Variants in WDR62 observed in about 807,000 individuals in gnomAD.
WDR62 encodes the protein WD repeat-containing protein 62.
In WDR62, 112 loss-of-function variants were observed where a neutral mutation model predicts 160.6. The ratio of observed to expected loss-of-function variants is 0.70; its 90% CI spans 0.60 to 0.82. The LOEUF (loss-of-function observed/expected upper bound fraction) is 0.82. WDR62 is among the 40% of genes least tolerant of loss of function. The pLI is 0.00. For missense variants in WDR62, 1,819 were observed against 1,983.8 expected, an observed-to-expected ratio of 0.92 and a Z score of 1.58; for synonymous variants, 792 against 815.1, an observed-to-expected ratio of 0.97 and a Z score of 0.48.
chr19:36,061,228 TTC>T, intron 3 of WDR62: 1 of 152,112 alleles, frequency 6.6e-6, no homozygotes, highest in Admixed American at 6.6e-5. Flanking sequence ...TAACTGTGGG[TTC>T]TGTTACTGGT....
intron 11 of WDR62, 60 bp downstream of exon 11, chr19:36,083,301 G>A: frequency 6.6e-7 from 1 of 1,526,370 alleles, no homozygotes; most frequent in Non-Finnish European, 8.9e-7. Context: ...GGTTCTCAGG[G>A]CAGTGGGCAG....
intron 31 of WDR62, 21 bp downstream of exon 31, chr19:36,104,696 G>A (rs1973633110): frequency 6.2e-7 from 1 of 1,613,884 alleles, no homozygotes; most frequent in Admixed American, 1.7e-5. Flanking sequence ...CCCCAGAGTT[G>A]GGAAAGGGTT....
Position 36,071,663 on chromosome 19 carries a change from C to A in WDR62, c.990C>A (p.Asn330Lys). The change falls in exon 8 of 32, where the codon AAC becomes AAA. Residue 330 changes from asparagine (N) to lysine (K), a missense_variant. Asn to Lys is a moderately conservative substitution (Grantham distance 94). Around this residue, in one of 3 missense-constraint regions of WDR62, gnomAD observed 934 missense variants for 1,157.2 expected, o/e 0.81. Coordinates refer to ENST00000401500, the MANE Select transcript of WDR62 (RefSeq NM_001083961.2). ...FQAHSLHYLA[N>K]LPKPHYLGVD... ...CCCATAGCCTGCACTACCTCGCCAA[C>A]CTGCCCAAGCCACACTACCTTGGGG... 6.2e-7 allele frequency: 1 copy of A among 1,614,216 alleles called. No homozygotes were observed. Among genetic ancestry groups the A allele is most frequent in the African/African-American group, 1.3e-5 (1 of 75,068 alleles).
intron 26 of WDR62, 64 bp from the exon 27 acceptor site, chr19:36,102,673 T>A: frequency 6.7e-7 from 1 of 1,484,666 alleles, no homozygotes; most frequent in Non-Finnish European, 9.4e-7. Flanking sequence ...GGCTGTGGGC[T>A]GGCCTAGGGC....
At chr19:36,079,599 C>G (rs957456996) in intron 9 of WDR62, among the ~76,000 whole-genome samples, 4 of 152,216 alleles carry the variant, frequency 2.6e-5, no homozygotes, top group African/African-American at 9.7e-5. Flanking sequence ...AGGCCTTACC[C>G]CTTGCACTCA....
At chr19:36,086,119 G>A (rs954234629) in intron 12 of WDR62, among the ~76,000 whole-genome samples, 3 of 152,054 alleles carry the variant, frequency 2.0e-5, no homozygotes, top group African/African-American at 7.2e-5. Context: ...CCCCCATGCT[G>A]TGTGCCCCAC....
In WDR62 at chr19:36,089,640, G is replaced by A. The variant is rs552948106; in HGVS notation, c.1958+334G>A. Among the ~76,000 whole-genome samples, 20 of 152,202 alleles carry A rather than the reference G, an allele frequency of 1.3e-4. No homozygotes were observed. The South Asian group carries it at 3.5e-3, about 27-fold the overall frequency. On this transcript the variant is annotated intron_variant, in intron 15 of 31. Coordinates refer to ENST00000401500, the MANE Select transcript of WDR62 (RefSeq NM_001083961.2). ...GTATTTTTAGTAGAGACGAGGTTTC[G>A]CCATGTTGGCCAGGCTGGTCTCGAA...
intron 18 of WDR62, 43 bp downstream of exon 18, chr19:36,091,508 G>T: frequency 6.3e-7 from 1 of 1,580,484 alleles, no homozygotes; most frequent in South Asian, 1.1e-5. Flanking sequence ...CAGATACCAT[G>T]AGCACTGCAC....
In WDR62 at chr19:36,101,737, T is replaced by C. The variant is rs1280021140; in HGVS notation, c.3045T>C (p.Pro1015=). 6.4e-7 allele frequency: 1 copy of C among 1,551,892 alleles called. No homozygotes were observed. The highest frequency in any genetic ancestry group is 8.7e-7 in the Non-Finnish European group (1 of 1,147,220). ...ACTCCCCAGCTCCGCCTCCTGACCC[T>C]GCCCCTCGGTTTGCCACGTCGCTGC... ...AIHSPAPPPD[P]APRFATSLPH... is the part of the protein sequence containing the mutation. The change falls in exon 25 of 32, where the codon CCT becomes CCC. Residue 1015 remains proline, a synonymous_variant. Coordinates refer to ENST00000401500, the MANE Select transcript of WDR62 (RefSeq NM_001083961.2).
rs149206110 is a variant in WDR62 at position 36,079,696 on chromosome 19, A to G, written c.1234-1737A>G. Among the ~76,000 whole-genome samples the G allele has an allele frequency of 3.4e-3, 511 of 152,254 alleles. 2 individuals carry two copies. Among genetic ancestry groups the G allele is most frequent in the African/African-American group, 0.011 (449 of 41,530 alleles). ...GCTTTCCAATGAACACCTCTTGGCT[A>G]CTTTGGAATTATCCTGTTGCTGGGT... is the stretch of plus-strand genomic sequence containing the variant. On this transcript the variant is annotated intron_variant, in intron 9 of 31. Transcript: ENST00000401500.
intron 1 of WDR62, 83 bp downstream of exon 1, chr19:36,055,231 C>A (rs1970292999): frequency 6.8e-7 from 1 of 1,474,144 alleles, no homozygotes; most frequent in Non-Finnish European, 9.2e-7. Flanking sequence ...GTGGCCCCGA[C>A]ATCAGCCCCC....
chr19:36,071,411 T>C (rs913695253), intron 7 of WDR62, 145 bp from the exon 8 acceptor site: 8 of 938,066 alleles, frequency 8.5e-6, no homozygotes, highest in Non-Finnish European at 1.0e-5. Context: ...ATTTCACAAA[T>C]CTTAAAATAT....
At chr19:36,099,367 G>A (rs760982713) in intron 21 of WDR62, 32 bp from the exon 22 acceptor site, 2 of 1,598,410 alleles carry the variant, frequency 1.3e-6, no homozygotes, top group Non-Finnish European at 1.7e-6. Context: ...TGAGCACTCA[G>A]CCAGTTGCCT....
chr19:36,069,099 CGGA>C (rs1329096053), intron 7 of WDR62, among the ~76,000 whole-genome samples: 2 of 147,024 alleles, frequency 1.4e-5, no homozygotes, highest in Non-Finnish European at 3.0e-5. Flanking sequence ...CCCTCCCGGA[CGGA>C]GCGGCTGGCC....
intron 8 of WDR62, 114 bp downstream of exon 8, chr19:36,071,830 A>G: frequency 7.3e-7 from 1 of 1,365,478 alleles, no homozygotes; most frequent in Admixed American, 2.4e-5. Flanking sequence ...AATACCCATC[A>G]TGACTCTCAG....
At chr19:36,105,710 T>G (rs1347454464), downstream of WDR62, among the ~76,000 whole-genome samples, 2 of 152,144 alleles carry the variant, frequency 1.3e-5, no homozygotes, top group East Asian at 3.9e-4. Context: ...TATTTATTTT[T>G]GTTTTTGAGA....
chr19:36,060,795 C>T (rs1467284648), intron 3 of WDR62: 1 of 152,296 alleles, frequency 6.6e-6, no homozygotes, highest in Non-Finnish European at 1.5e-5. Flanking sequence ...AGTGTGAGCA[C>T]TCTTGAGAGC....
chr19:36,071,413 T>C, intron 7 of WDR62, 143 bp from the exon 8 acceptor site: 3 of 959,822 alleles, frequency 3.1e-6, no homozygotes, highest in Non-Finnish European at 5.0e-6. Flanking sequence ...TTCACAAATC[T>C]TAAAATATGC....
chr19:36,104,287 A>AGG (rs1973597695), intron 30 of WDR62, among the ~76,000 whole-genome samples: 1 of 152,074 alleles, frequency 6.6e-6, no homozygotes, highest in South Asian at 2.1e-4. Context: ...GAGGAGGGCG[A>AGG]GGGAGTGCAG....
Sources: allele counts gnomAD v4.1 joint callset (sites outside exome capture counted in the v4.1 genomes callset), GRCh38; gene constraint gnomAD v4.1.1; regional missense constraint gnomAD v4.1.1; transcripts MANE v1.5; gene names NCBI Gene and HGNC (gene_info 2026-07-23, HGNC 2026-07-21).